The following AR variants were observed in gnomAD, a reference collection of about 807,000 sequenced individuals.
AR encodes the protein dihydrotestosterone receptor.
AR carries 8 observed loss-of-function variants against 53.9 expected under a neutral mutation model. That is an observed-to-expected ratio of 0.15 (90% CI 0.09 to 0.27). AR has a LOEUF of 0.27. Ranked by LOEUF, AR falls within the 10% of genes least tolerant of loss-of-function variation. AR has a pLI of 1.00. For synonymous variants in AR, 359 were observed against 316.4 expected (o/e 1.13, Z -1.43); for missense variants, 639 against 742.5 (o/e 0.86, Z 1.62).
At chrX:67,686,169 C>G (rs201577907) in intron 3 of AR, 43 bp downstream of exon 3, 23 of 1,138,156 alleles carry the variant, frequency 2.0e-5, no homozygotes, top group South Asian at 1.7e-4. Context: ...CCTCTCTCCC[C>G]CTTCTCCCTC....
chrX:67,562,113 T>A (rs374466288), intron 1 of AR, among the ~76,000 whole-genome samples: 1 of 106,846 alleles, frequency 9.4e-6, no homozygotes, highest in Non-Finnish European at 1.9e-5. Flanking sequence ...GTAATTTTAT[T>A]TATTATTTAT....
rs370115840 is a variant in AR at position 67,643,370 on chromosome X, T to C, written c.1731T>C (p.Cys577=). Residue 577 remains cysteine (C), a synonymous_variant, in exon 2 of 8, where the codon TGT becomes TGC. Transcript: ENST00000374690. The part of the protein sequence containing the change: ...ASGCHYGALT[C]GSCKVFFKRA... Reference sequence around the variant, plus strand: ...GGTGTCACTATGGAGCTCTCACATGTGGAAGCTGCAAGGTCTTCTTCAAAA... The same window carrying C: ...GGTGTCACTATGGAGCTCTCACATGCGGAAGCTGCAAGGTCTTCTTCAAAA... The C allele has an allele frequency of 8.3e-7, 1 of 1,211,270 alleles. No individual in the cohort carries two copies.
At chrX:67,594,547 A>G (rs1015655904) in intron 1 of AR, among the ~76,000 whole-genome samples, 8 of 112,383 alleles carry the variant, frequency 7.1e-5, no homozygotes, top group African/African-American at 2.3e-4. Context: ...ATTACAAAAA[A>G]TTTACTATAC....
intron 2 of AR, among the ~76,000 whole-genome samples, chrX:67,657,775 TAG>T (rs1926659564): frequency 8.9e-6 from 1 of 112,127 alleles, no homozygotes; most frequent in African/African-American, 3.2e-5. Context: ...ATATAATTTA[TAG>T]AGTCACTGTT....
chrX:67,726,047 G>A lies in AR; in HGVS notation c.*2206G>A, dbSNP rs2076156345. On this transcript the variant is annotated 3_prime_UTR_variant, in exon 8 of 8. Transcript: ENST00000374690. The stretch of plus-strand genomic sequence containing the variant: ...TTAATTGATTCACTCTGTTTGTTGA[G>A]AGGATAGTTTCTGAGTGACATGATA... 1.1e-5 allele frequency: 2 copies of A among 174,518 alleles called. No individual in the cohort carries two copies. Among genetic ancestry groups the A allele is most frequent in the Non-Finnish European group, 2.2e-5 (2 of 91,636 alleles). The allele number at this position is 174,518 out of a possible 1,213,427, so 14.4% of individuals were successfully genotyped here. A position where few individuals can be genotyped will look rare whatever the true frequency, so the allele number is the denominator to read the frequency against.
At chrX:67,645,311 T>C (rs1386173703) in intron 2 of AR, among the ~76,000 whole-genome samples, 1 of 111,753 alleles carries the variant, frequency 8.9e-6, no homozygotes, top group Non-Finnish European at 1.9e-5. Flanking sequence ...TTTGCTGTCA[T>C]ATCATACATC....
chrX:67,707,407 C>G (rs1255383176), intron 3 of AR, among the ~76,000 whole-genome samples: 3 of 111,650 alleles, frequency 2.7e-5, no homozygotes, highest in Admixed American at 9.5e-5. Flanking sequence ...CCTTCTTTGT[C>G]TCTTTTGATC....
intron 1 of AR, among the ~76,000 whole-genome samples, chrX:67,547,830 G>A (rs751771483): frequency 2.1e-4 from 24 of 111,865 alleles, no homozygotes; most frequent in South Asian, 7.5e-4. Flanking sequence ...CCTATGAGCC[G>A]TAATCTTACC....
At chrX:67,688,302 G>C (rs1470447403) in intron 3 of AR, among the ~76,000 whole-genome samples, 1 of 111,575 alleles carries the variant, frequency 9.0e-6, no homozygotes, top group Non-Finnish European at 1.9e-5. Context: ...TAAAGGCTCA[G>C]CTCCTTTATT....
chrX:67,576,307 A>G (rs1602166318), intron 1 of AR, among the ~76,000 whole-genome samples: 1 of 110,569 alleles, frequency 9.0e-6, no homozygotes, highest in African/African-American at 3.3e-5. Flanking sequence ...GGAATACCCT[A>G]TTTGGTTCCA....
intron 7 of AR, 49 bp downstream of exon 7, chrX:67,723,033 G>A (rs1307485952): frequency 8.4e-7 from 1 of 1,189,570 alleles, no homozygotes; most frequent in Admixed American, 2.2e-5. Context: ...GCCTGATAGA[G>A]CCAATGATAA....
chrX:67,551,327 T>C (rs1316881759), intron 1 of AR, among the ~76,000 whole-genome samples: 2 of 110,975 alleles, frequency 1.8e-5, no homozygotes, highest in African/African-American at 3.3e-5. Flanking sequence ...TTCATAAAAA[T>C]TAATCATTTG....
At chrX:67,699,930 G>T (rs1324737594) in intron 3 of AR, among the ~76,000 whole-genome samples, 1 of 111,282 alleles carries the variant, frequency 9.0e-6, no homozygotes, top group Non-Finnish European at 1.9e-5. Context: ...GTTACAGATT[G>T]GTTACATCTG....
At chrX:67,624,063 G>T (rs1320296331) in intron 1 of AR, among the ~76,000 whole-genome samples, 1 of 110,480 alleles carries the variant, frequency 9.1e-6, no homozygotes, top group Non-Finnish European at 1.9e-5. Context: ...AAAGAGGGAA[G>T]TGCCACACAC....
At chrX:67,565,063 T>A (rs1252280045) in intron 1 of AR, among the ~76,000 whole-genome samples, 2 of 111,474 alleles carry the variant, frequency 1.8e-5, no homozygotes, top group Non-Finnish European at 3.8e-5. Context: ...ACTTTTCCCT[T>A]CTCTAGCACC....
chrX:67,554,187 A>G (rs773080480), intron 1 of AR, among the ~76,000 whole-genome samples: 19 of 112,306 alleles, frequency 1.7e-4, no homozygotes, highest in South Asian at 3.7e-4. Flanking sequence ...GGATTTGGGA[A>G]CTATTAGCAA....
chrX:67,673,431 G>A (rs1166405217), intron 2 of AR, among the ~76,000 whole-genome samples: 1 of 101,189 alleles, frequency 9.9e-6, no homozygotes, highest in Non-Finnish European at 2.0e-5. Flanking sequence ...CCCTTTTGAG[G>A]CTGTTTTCTA....
intron 2 of AR, among the ~76,000 whole-genome samples, chrX:67,684,744 T>C (rs1254724698): frequency 8.9e-6 from 1 of 112,219 alleles, no homozygotes; most frequent in Admixed American, 9.5e-5. Flanking sequence ...GCTGACCTGG[T>C]TACTACTGAA....
In AR at chrX:67,576,929, T is replaced by C. The variant is rs758977305; in HGVS notation, c.1616+30167T>C. Among the ~76,000 whole-genome samples, 6 of 110,853 alleles carry C rather than the reference T, an allele frequency of 5.4e-5. No individual in the cohort carries two copies. The South Asian group carries it at 2.3e-3, about 43-fold the overall frequency. On this transcript the variant is annotated intron_variant, in intron 1 of 7. Transcript: ENST00000374690. ...CATATTGTCTTTTTAAATAGTTTTA[T>C]TAATATAAAATGTACGTACCATAAA... is the stretch of plus-strand genomic sequence containing the variant.
Sources: allele counts gnomAD v4.1 joint callset (sites outside exome capture counted in the v4.1 genomes callset), GRCh38; gene constraint gnomAD v4.1.1; transcripts MANE v1.5; gene names NCBI Gene and HGNC (gene_info 2026-07-23, HGNC 2026-07-21).